Variants in ALOX5 observed in about 807,000 individuals in gnomAD.
ALOX5 encodes the protein polyunsaturated fatty acid 5-lipoxygenase.
ALOX5 carries 64 observed loss-of-function variants against 87.9 expected under a neutral mutation model. That is an observed-to-expected ratio of 0.73 (90% confidence interval 0.60 to 0.90). The LOEUF is 0.90. ALOX5 is among the 40% of genes least tolerant of loss of function. ALOX5 has a pLI of 0.00. For missense variants in ALOX5, 822 were observed against 907.5 expected, an observed-to-expected ratio of 0.91 and a Z score of 1.21; for synonymous variants, 388 against 355.1, an observed-to-expected ratio of 1.09 and a Z score of -1.04.
intron 3 of ALOX5, among the ~76,000 whole-genome samples, chr10:45,399,330 A>G (rs1365766041): frequency 1.3e-5 from 2 of 152,238 alleles, no homozygotes; most frequent in African/African-American, 4.8e-5. Flanking sequence ...GCTAAAGGAT[A>G]CAGTGTTCCT....
intron 4 of ALOX5, among the ~76,000 whole-genome samples, chr10:45,418,858 C>T (rs1330433928): frequency 6.6e-6 from 1 of 152,230 alleles, no homozygotes; most frequent in Admixed American, 6.5e-5. Context: ...GCTGAAAAGA[C>T]AATGTCCTCA....
intron 4 of ALOX5, among the ~76,000 whole-genome samples, chr10:45,420,162 A>T (rs1377854174): frequency 6.6e-6 from 1 of 152,208 alleles, no homozygotes; most frequent in South Asian, 2.1e-4. Flanking sequence ...TTGGAAATTT[A>T]AAAAATAATC....
At chr10:45,407,657 T>C (rs896530955) in intron 3 of ALOX5, among the ~76,000 whole-genome samples, 2 of 152,188 alleles carry the variant, frequency 1.3e-5, no homozygotes, top group Non-Finnish European at 2.9e-5. Context: ...GCATTTTTTT[T>C]AACATAAGAT....
At chr10:45,412,856 T>C (rs1194232945) in intron 4 of ALOX5, among the ~76,000 whole-genome samples, 1 of 152,226 alleles carries the variant, frequency 6.6e-6, no homozygotes, top group African/African-American at 2.4e-5. Flanking sequence ...ATATAGGTTC[T>C]GTGCACCTTT....
Position 45,438,438 on chromosome 10 carries a change from G to A in ALOX5, c.982-1992G>A, listed in dbSNP as rs1253159681. ...GTGAGGATTAAGTGAGATAGCATGG[G>A]TAAAGCCCCTAGCACACAACAGGGG... On this transcript the variant is annotated intron_variant, in intron 7 of 13. Coordinates refer to ENST00000374391, the MANE Select transcript of ALOX5 (RefSeq NM_000698.5). Among the ~76,000 whole-genome samples the A allele has an allele frequency of 3.9e-5, 6 of 152,282 alleles. No individual in the cohort carries two copies. The East Asian group carries it at 1.2e-3, about 29-fold the overall frequency.
intron 1 of ALOX5, among the ~76,000 whole-genome samples, chr10:45,377,312 T>C: frequency 6.6e-6 from 1 of 151,852 alleles, no homozygotes; most frequent in Non-Finnish European, 1.5e-5. Context: ...AGTCTCCCCC[T>C]CTGAGCCATC....
intron 1 of ALOX5, among the ~76,000 whole-genome samples, chr10:45,375,984 G>A (rs56150414): frequency 0.17 from 26,270 of 152,170 alleles, 2,338 homozygotes; most frequent in South Asian, 0.19. Context: ...CAGGGTACAG[G>A]CTACTTCCCC....
At chr10:45,404,379 C>T (rs1185182710) in intron 3 of ALOX5, among the ~76,000 whole-genome samples, 4 of 152,222 alleles carry the variant, frequency 2.6e-5, no homozygotes, top group Non-Finnish European at 5.9e-5. Flanking sequence ...GCCCTCCTTA[C>T]TCACTCAGCC....
At position 45,374,242 on chromosome 10, in the gene ALOX5, C is replaced by A; in HGVS notation, c.-38C>A. The A allele has an allele frequency of 6.9e-7, 1 of 1,447,450 alleles. No individual in the cohort carries two copies. Among genetic ancestry groups the A allele is most frequent in the Non-Finnish European group, 9.1e-7 (1 of 1,099,754 alleles). 89.7% of individuals were successfully genotyped at this position (1,447,450 alleles called of 1,614,324 possible). On this transcript the variant is annotated 5_prime_UTR_variant, in exon 1 of 14. Coordinates refer to ENST00000374391, the MANE Select transcript of ALOX5 (RefSeq NM_000698.5). ...GATGCGGACACCTGGACCGCCGCGC[C>A]GAGGCTCCCGGCGCTCGCTGCTCCC...
intron 3 of ALOX5, among the ~76,000 whole-genome samples, chr10:45,397,253 G>A (rs1445569489): frequency 2.6e-5 from 4 of 152,116 alleles, no homozygotes; most frequent in Non-Finnish European, 4.4e-5. Context: ...GGTGGCATGC[G>A]CCTGTAGTCC....
In ALOX5 at chr10:45,428,609, C is replaced by T. The variant is rs1564441905; in HGVS notation, c.835-9C>T. ...GCCTGATTTGGACACATCTCTCTGC[C>T]TCCTGCAGCAAGGGAACATTTTCAT... On this transcript the variant is annotated splice_polypyrimidine_tract_variant and intron_variant, in intron 6 of 13. Coordinates refer to ENST00000374391, the MANE Select transcript of ALOX5 (RefSeq NM_000698.5). The T allele has an allele frequency of 6.2e-7, 1 of 1,614,006 alleles. No individual in the cohort carries two copies. The highest frequency in any genetic ancestry group is 8.5e-7 in the Non-Finnish European group (1 of 1,179,970).
At chr10:45,424,678 C>T (rs1841630984) in intron 5 of ALOX5, among the ~76,000 whole-genome samples, 1 of 152,218 alleles carries the variant, frequency 6.6e-6, no homozygotes, top group Non-Finnish European at 1.5e-5. Context: ...GACTCTCCTC[C>T]ACGCCCTCCT....
At chr10:45,402,328 A>T (rs975271986) in intron 3 of ALOX5, among the ~76,000 whole-genome samples, 63 of 152,260 alleles carry the variant, frequency 4.1e-4, no homozygotes, top group African/African-American at 1.5e-3. Flanking sequence ...TCTTAGCTTC[A>T]TCCCCCTTTT....
chr10:45,382,392 G>T (rs141076768), intron 1 of ALOX5, 91 bp from the exon 2 acceptor site: 3 of 1,368,212 alleles, frequency 2.2e-6, no homozygotes, highest in Non-Finnish European at 3.1e-6. Flanking sequence ...CTGTGCCACA[G>T]CAGCATACCT....
chr10:45,401,733 G>A (rs1256257928), intron 3 of ALOX5, among the ~76,000 whole-genome samples: 1 of 152,082 alleles, frequency 6.6e-6, no homozygotes, highest in Non-Finnish European at 1.5e-5. Flanking sequence ...TGTGAAATTT[G>A]TATACATTAT....
At chr10:45,430,685 A>G (rs1042824619) in intron 7 of ALOX5, among the ~76,000 whole-genome samples, 9 of 152,212 alleles carry the variant, frequency 5.9e-5, no homozygotes, top group African/African-American at 2.2e-4. Flanking sequence ...TGAGAGTAAT[A>G]TGGCAAAAAT....
chr10:45,393,279 G>A (rs148840366), intron 2 of ALOX5, among the ~76,000 whole-genome samples: 388 of 152,240 alleles, frequency 2.5e-3, no homozygotes, highest in African/African-American at 8.8e-3. Context: ...ATCATCCCTG[G>A]GATGCAAAGC....
intron 3 of ALOX5, among the ~76,000 whole-genome samples, chr10:45,410,196 A>G (rs1279287758): frequency 6.6e-6 from 1 of 152,254 alleles, no homozygotes; most frequent in East Asian, 1.9e-4. Flanking sequence ...ATTTAAATTG[A>G]TATGACTAAT....
At chr10:45,407,292 G>A (rs887327473) in intron 3 of ALOX5, among the ~76,000 whole-genome samples, 4 of 151,312 alleles carry the variant, frequency 2.6e-5, no homozygotes, top group East Asian at 3.9e-4. Context: ...TTCCTCTCTC[G>A]TTCACTCTCT....
Sources: gnomAD v4.1 joint callset for allele counts (sites outside exome capture counted in the v4.1 genomes callset) on GRCh38, gnomAD v4.1.1 for gene constraint, MANE v1.5 for transcripts, NCBI Gene and HGNC (gene_info 2026-07-23, HGNC 2026-07-21) for gene names.